The following CD99L2 variants were observed in gnomAD, a reference collection of about 807,000 sequenced individuals.
The protein encoded by CD99L2 is CD99 molecule like 2.
CD99L2 carries 24 observed loss-of-function variants against 27.3 expected under a neutral mutation model. The observed-to-expected ratio is 0.88, with a 90% CI of 0.64 to 1.24. The LOEUF (loss-of-function observed/expected upper bound fraction) is 1.24, where lower values mean the gene tolerates loss of function less well. Ranked by LOEUF, CD99L2 falls within the 50% of genes most tolerant of loss-of-function variation. The pLI, the probability that CD99L2 is intolerant of heterozygous loss-of-function variation, is 0.00. For missense variants in CD99L2, 255 were observed against 221.6 expected (o/e 1.15, Z -0.96); for synonymous variants, 97 against 87.9 (o/e 1.10, Z -0.58).
At chrX:150,811,908 TC>T (rs1557420361) in intron 4 of CD99L2, among the ~76,000 whole-genome samples, 1 of 112,156 alleles carries the variant, frequency 8.9e-6, no homozygotes, top group East Asian at 2.8e-4. Flanking sequence ...ATGCCTGTAA[TC>T]CTAGCACTTT....
chrX:150,803,458 C>A (rs2045949640), intron 4 of CD99L2, among the ~76,000 whole-genome samples: 1 of 111,786 alleles, frequency 8.9e-6, no homozygotes, highest in African/African-American at 3.3e-5. Context: ...TGAAAAGGCA[C>A]AGGCCCTAGA....
intron 4 of CD99L2, among the ~76,000 whole-genome samples, chrX:150,800,560 A>C (rs1319153664): frequency 4.5e-5 from 5 of 111,903 alleles, no homozygotes; most frequent in African/African-American, 1.6e-4. Flanking sequence ...GGTTACATGC[A>C]AATACTATGC....
At chrX:150,815,909 C>T (rs2046146285) in intron 3 of CD99L2, 98 bp downstream of exon 3, 2 of 837,923 alleles carry the variant, frequency 2.4e-6, no homozygotes, top group Non-Finnish European at 3.6e-6. Flanking sequence ...TTTCTGCACA[C>T]ATGGGGCTTA....
At chrX:150,841,583 A>G (rs781796247) in intron 1 of CD99L2, among the ~76,000 whole-genome samples, 1 of 111,745 alleles carries the variant, frequency 8.9e-6, no homozygotes, top group African/African-American at 3.3e-5. Context: ...AGAATTGCAA[A>G]AGTAGGTTCT....
Position 150,769,019 on chromosome X carries a change from A to G in CD99L2, c.*15T>C. 8.7e-7 allele frequency: 1 copy of G among 1,144,278 alleles called. No individual in the cohort carries two copies. The allele number at this position is 1,144,278 out of a possible 1,213,427, so 94.3% of individuals were successfully genotyped here. The stretch of plus-strand genomic sequence containing the variant: ...CGGTGGCACCATTGTGCATGCCTGC[A>G]GCTGGACAGGGCCCTCAGATCCGGG... On this transcript the variant is annotated 3_prime_UTR_variant, in exon 11 of 11. Coordinates refer to ENST00000370377, the MANE Select transcript of CD99L2 (RefSeq NM_031462.4).
intron 4 of CD99L2, among the ~76,000 whole-genome samples, chrX:150,802,876 C>CGGCTAGA (rs2045936631): frequency 2.5e-5 from 2 of 80,116 alleles, no homozygotes; most frequent in Non-Finnish European, 2.3e-5. Flanking sequence ...CCACCGTGCC[C>CGGCTAGA]AGCCTTTTTT....
intron 2 of CD99L2, among the ~76,000 whole-genome samples, chrX:150,826,233 A>G (rs1427005627): frequency 9.0e-6 from 1 of 111,655 alleles, no homozygotes; most frequent in Non-Finnish European, 1.9e-5. Context: ...TGAGCAATAT[A>G]TTTCTGTTAT....
intron 7 of CD99L2, 81 bp downstream of exon 7, chrX:150,793,610 G>C (rs1005193958): frequency 1.2e-6 from 1 of 849,708 alleles, no homozygotes. Flanking sequence ...TCATTTCCCA[G>C]AGGCTCAATT....
intron 2 of CD99L2, among the ~76,000 whole-genome samples, chrX:150,824,265 AAGGAGGAGGAGGAGGAGG>A (rs377222708): frequency 3.9e-5 from 2 of 50,641 alleles, no homozygotes; most frequent in African/African-American, 1.8e-4. Flanking sequence ...AGGAAGAAGG[AAGGAGGAGGAGGAGGAGG>A]AGAAAGGAAG....
chrX:150,873,631 G>A (rs1458082844), intron 1 of CD99L2, among the ~76,000 whole-genome samples: 4 of 111,931 alleles, frequency 3.6e-5, no homozygotes, highest in African/African-American at 1.3e-4. Context: ...CATTCACAGG[G>A]AAGGTAGCAT....
intron 10 of CD99L2, among the ~76,000 whole-genome samples, chrX:150,769,670 TCCCTGCCTGCGCCACCAG>T: frequency 9.5e-6 from 1 of 105,516 alleles, no homozygotes; most frequent in East Asian, 3.1e-4. Context: ...TGTCCTAGTC[TCCCTGCCTGCGCCACCAG>T]GCCTCGGCTG....
chrX:150,768,287 C>G lies in CD99L2; in HGVS notation c.*747G>C, dbSNP rs782483887. The G allele has an allele frequency of 2.7e-5, 3 of 112,101 alleles. No homozygotes were observed. Among genetic ancestry groups the G allele is most frequent in the Non-Finnish European group, 5.6e-5 (3 of 53,195 alleles). The allele number at this position is 112,101 out of a possible 1,213,427, so 9.2% of individuals were successfully genotyped here. A position where few individuals can be genotyped will look rare whatever the true frequency, so the allele number is the denominator to read the frequency against. On this transcript the variant is annotated 3_prime_UTR_variant, in exon 11 of 11. Transcript: ENST00000370377. ...TCTCATGTCAACCCGAAGGCCACAC[C>G]CAGCCCCCTATGGAATCAGATGGGA...
At chrX:150,878,337 TA>T (rs782307753) in intron 1 of CD99L2, among the ~76,000 whole-genome samples, 164 of 88,849 alleles carry the variant, frequency 1.8e-3, no homozygotes, top group Admixed American at 1.9e-3. Flanking sequence ...AAACTCTGTC[TA>T]AAAAAAAAAA....
At chrX:150,834,182 C>T (rs2046490322) in intron 1 of CD99L2, among the ~76,000 whole-genome samples, 1 of 111,762 alleles carries the variant, frequency 8.9e-6, no homozygotes. Flanking sequence ...CTCTAATCAT[C>T]AGGGAAACAC....
intron 9 of CD99L2, among the ~76,000 whole-genome samples, chrX:150,772,223 C>T (rs909448631): frequency 8.9e-6 from 1 of 112,796 alleles, no homozygotes; most frequent in East Asian, 2.8e-4. Context: ...CACGCAGCCC[C>T]GCCACGGAAT....
intron 7 of CD99L2, among the ~76,000 whole-genome samples, chrX:150,789,822 C>T (rs1039564162): frequency 3.6e-5 from 4 of 112,078 alleles, no homozygotes; most frequent in Non-Finnish European, 7.5e-5. Flanking sequence ...GAGGTCAATG[C>T]TTCAGTGAAC....
intron 1 of CD99L2, among the ~76,000 whole-genome samples, chrX:150,892,605 C>CAAAAAAAAAAA (rs782464097): frequency 3.3e-5 from 1 of 30,196 alleles, no homozygotes; most frequent in Non-Finnish European, 5.9e-5. Context: ...GACTCTGTCT[C>CAAAAAAAAAAA]AAAAAAAAAA....
intron 1 of CD99L2, among the ~76,000 whole-genome samples, chrX:150,842,850 T>C (rs1282760301): frequency 8.9e-6 from 1 of 112,309 alleles, no homozygotes; most frequent in East Asian, 2.8e-4. Flanking sequence ...CACAGAAAGT[T>C]CCATAGGACA....
At chrX:150,867,995 C>G (rs1172589295) in intron 1 of CD99L2, among the ~76,000 whole-genome samples, 1 of 92,468 alleles carries the variant, frequency 1.1e-5, no homozygotes, top group East Asian at 3.8e-4. Flanking sequence ...GGCAGGAAAA[C>G]AGCTTGAGCC....
Sources: allele counts gnomAD v4.1 joint callset (sites outside exome capture counted in the v4.1 genomes callset), GRCh38; gene constraint gnomAD v4.1.1; transcripts MANE v1.5; gene names NCBI Gene and HGNC (gene_info 2026-07-23, HGNC 2026-07-21).